UNC5D: variants seen among roughly 807,000 people sequenced by gnomAD.
UNC5D encodes the protein netrin receptor UNC5D.
UNC5D carries 39 observed loss-of-function variants against 105.4 expected under a neutral mutation model. The observed-to-expected ratio is 0.37, with a 90% CI of 0.29 to 0.48. The LOEUF is 0.48. UNC5D is among the 20% of genes least tolerant of loss of function. The pLI, the probability that UNC5D is intolerant of heterozygous loss-of-function variation, is 0.98. For synonymous variants in UNC5D, 452 were observed against 450.4 expected, an observed-to-expected ratio of 1.00 and a Z score of -0.04; for missense variants, 991 against 1,202.4, an observed-to-expected ratio of 0.82 and a Z score of 2.60.
At chr8:35,709,194 G>A (rs1201679480) in intron 8 of UNC5D, among the ~76,000 whole-genome samples, 2 of 151,986 alleles carry the variant, frequency 1.3e-5, no homozygotes, top group Non-Finnish European at 2.9e-5. Flanking sequence ...CTGGGTGGTG[G>A]AGAATCAACA....
At chr8:35,369,846 C>G (rs1432355319) in intron 1 of UNC5D, among the ~76,000 whole-genome samples, 2 of 152,140 alleles carry the variant, frequency 1.3e-5, no homozygotes, top group African/African-American at 4.8e-5. Context: ...CAGGCTTTCT[C>G]TATATATTCA....
chr8:35,643,100 C>T (rs563516799), intron 4 of UNC5D, among the ~76,000 whole-genome samples: 22 of 152,262 alleles, frequency 1.4e-4, no homozygotes, highest in Admixed American at 1.3e-4. Flanking sequence ...AGCCTCGGCA[C>T]TGTTGGCATT....
intron 8 of UNC5D, among the ~76,000 whole-genome samples, chr8:35,713,145 C>A (rs756739911): frequency 9.2e-5 from 14 of 151,976 alleles, no homozygotes; most frequent in Non-Finnish European, 1.8e-4. Flanking sequence ...GCTGACTTTG[C>A]CCTTAATGGA....
At chr8:35,540,191 T>A (rs2130623503) in intron 1 of UNC5D, among the ~76,000 whole-genome samples, 1 of 152,294 alleles carries the variant, frequency 6.6e-6, no homozygotes, top group South Asian at 2.1e-4. Context: ...ATGTATCCAT[T>A]GTTGGGGGAG....
At chr8:35,567,270 A>G (rs764173948) in intron 2 of UNC5D, among the ~76,000 whole-genome samples, 4 of 152,180 alleles carry the variant, frequency 2.6e-5, no homozygotes, top group Admixed American at 6.5e-5. Context: ...TGATGTATCA[A>G]TGAAAAAATA....
chr8:35,614,123 G>A (rs1820864605), intron 4 of UNC5D, among the ~76,000 whole-genome samples: 1 of 152,084 alleles, frequency 6.6e-6, no homozygotes, highest in African/African-American at 2.4e-5. Flanking sequence ...TAATAATTCT[G>A]CCCAGACTGG....
chr8:35,239,323 G>A (rs543129964), intron 1 of UNC5D, among the ~76,000 whole-genome samples: 1 of 152,080 alleles, frequency 6.6e-6, no homozygotes, highest in African/African-American at 2.4e-5. Context: ...TCTACACTGC[G>A]CTGTCTTATT....
chr8:35,388,364 G>A (rs1230073859), intron 1 of UNC5D, among the ~76,000 whole-genome samples: 1 of 151,518 alleles, frequency 6.6e-6, no homozygotes, highest in African/African-American at 2.4e-5. Flanking sequence ...ACCCCATCTC[G>A]AAAAAAACCC....
At chr8:35,507,737 AT>A (rs1480895821) in intron 1 of UNC5D, among the ~76,000 whole-genome samples, 2 of 152,264 alleles carry the variant, frequency 1.3e-5, no homozygotes, top group African/African-American at 4.8e-5. Flanking sequence ...TTAATTGTAC[AT>A]TTTAAAATAA....
At chr8:35,625,582 A>C (rs1407165895) in intron 4 of UNC5D, among the ~76,000 whole-genome samples, 1 of 152,230 alleles carries the variant, frequency 6.6e-6, no homozygotes, top group Non-Finnish European at 1.5e-5. Context: ...CTATATTGTA[A>C]TAAAACAATG....
intron 3 of UNC5D, among the ~76,000 whole-genome samples, chr8:35,569,119 G>T (rs1038942201): frequency 3.3e-5 from 5 of 151,026 alleles, no homozygotes; most frequent in Non-Finnish European, 5.9e-5. Context: ...TTTCAGAAGG[G>T]TCCAATATTT....
intron 1 of UNC5D, among the ~76,000 whole-genome samples, chr8:35,518,731 G>T (rs978605206): frequency 6.6e-6 from 1 of 152,168 alleles, no homozygotes; most frequent in South Asian, 2.1e-4. Flanking sequence ...AAATAATGCT[G>T]TTTGGCAGAC....
intron 1 of UNC5D, among the ~76,000 whole-genome samples, chr8:35,383,035 A>T (rs1001279826): frequency 2.0e-5 from 3 of 152,230 alleles, no homozygotes; most frequent in African/African-American, 7.2e-5. Context: ...CAAGAAAAGG[A>T]AGTGCATTTA....
chr8:35,597,677 C>G (rs1294065958), intron 4 of UNC5D, among the ~76,000 whole-genome samples: 2 of 152,082 alleles, frequency 1.3e-5, no homozygotes, highest in African/African-American at 2.4e-5. Flanking sequence ...GTAGGAACTT[C>G]GCATACTCTA....
Position 35,792,876 on chromosome 8 carries a change from T to C in UNC5D, c.*2313T>C. 1 of 371,476 alleles carries C rather than the reference T, an allele frequency of 2.7e-6. No homozygotes were observed. The highest frequency in any genetic ancestry group is 2.1e-5 in the African/African-American group (1 of 46,814). The allele number at this position is 371,476 out of a possible 1,614,324, so 23.0% of individuals were successfully genotyped here. On this transcript the variant is annotated 3_prime_UTR_variant, in exon 17 of 17. Transcript: ENST00000404895. ...TAAGTATTTTTAAATAGATGAAAAT[T>C]CTAAATGATTTTCCCTCAAATCTAT...
chr8:35,769,959 AAAAAG>A (rs1231575184), intron 15 of UNC5D, among the ~76,000 whole-genome samples: 1 of 152,072 alleles, frequency 6.6e-6, no homozygotes, highest in Non-Finnish European at 1.5e-5. Context: ...ACTCTGTCTC[AAAAAG>A]AAAAGAAAAC....
chr8:35,701,146 C>T (rs1227281592), intron 7 of UNC5D, among the ~76,000 whole-genome samples: 1 of 152,112 alleles, frequency 6.6e-6, no homozygotes, highest in Non-Finnish European at 1.5e-5. Context: ...ATGACGTATT[C>T]GAATTGCTGC....
In UNC5D at chr8:35,235,717, C is replaced by CA. The variant is rs1303990643; in HGVS notation, c.-67dup. On this transcript the variant is annotated 5_prime_UTR_variant, in exon 1 of 17. Transcript: ENST00000404895. The stretch of plus-strand genomic sequence containing the variant: ...CGAGACCCATTCGACTCGGGACCCT[C>CA]ATCGCCGACCCTTTCCCGGGCTCCC... 8.6e-7 allele frequency: 1 copy of CA among 1,161,642 alleles called. No individual in the cohort carries two copies. The highest frequency in any genetic ancestry group is 1.6e-5 in the African/African-American group (1 of 62,830). 72.0% of individuals were successfully genotyped at this position (1,161,642 alleles called of 1,614,324 possible). A position where few individuals can be genotyped will look rare whatever the true frequency, so the allele number is the denominator to read the frequency against.
chr8:35,462,361 A>T (rs1437686132), intron 1 of UNC5D, among the ~76,000 whole-genome samples: 1 of 152,154 alleles, frequency 6.6e-6, no homozygotes, highest in African/African-American at 2.4e-5. Context: ...AACACTCGTC[A>T]ATCTCATAAT....
Sources: gnomAD v4.1 joint callset for allele counts (sites outside exome capture counted in the v4.1 genomes callset) on GRCh38, gnomAD v4.1.1 for gene constraint, MANE v1.5 for transcripts, NCBI Gene and HGNC (gene_info 2026-07-23, HGNC 2026-07-21) for gene names.